The following OSGEP variants were observed in gnomAD, a reference collection of about 807,000 sequenced individuals.
OSGEP encodes the protein O-sialoglycoprotein endopeptidase.
OSGEP carries 39 observed loss-of-function variants against 44.1 expected under a neutral mutation model. The observed-to-expected ratio is 0.88, with a 90% CI of 0.69 to 1.16. The LOEUF (loss-of-function observed/expected upper bound fraction) is 1.16. Ranked by LOEUF, OSGEP falls within the 50% of genes most tolerant of loss-of-function variation. The pLI is 0.00. For missense variants in OSGEP, 403 were observed against 443.1 expected (o/e 0.91, Z 0.81); for synonymous variants, 139 against 161.9 (o/e 0.86, Z 1.07).
In OSGEP at chr14:20,446,874, G is replaced by A. The variant is rs1429076939; in HGVS notation, c.*366C>T. On this transcript the variant is annotated 3_prime_UTR_variant, in exon 11 of 11. Transcript: ENST00000206542. Reference sequence around the variant, plus strand: ...GCACAATGGCATCCTTACTCAGGAGGCTGAGGTGGTAAGACTGCTTGAGCC... The same window carrying A: ...GCACAATGGCATCCTTACTCAGGAGACTGAGGTGGTAAGACTGCTTGAGCC... The A allele has an allele frequency of 3.9e-6, 1 of 254,462 alleles. No individual in the cohort carries two copies. The highest frequency in any genetic ancestry group is 2.2e-5 in the African/African-American group (1 of 44,810). 15.8% of individuals were successfully genotyped at this position (254,462 alleles called of 1,614,324 possible).
At chr14:20,453,293 G>A (rs1179715438) in intron 1 of OSGEP, among the ~76,000 whole-genome samples, 2 of 152,098 alleles carry the variant, frequency 1.3e-5, no homozygotes, top group East Asian at 3.9e-4. Context: ...TCCTATGTAT[G>A]CAAGTGTTTG....
intron 2 of OSGEP, 85 bp downstream of exon 2, chr14:20,452,244 G>T: frequency 6.3e-7 from 1 of 1,588,810 alleles, no homozygotes; most frequent in Non-Finnish European, 8.6e-7. Flanking sequence ...GGGTAGTGAT[G>T]GTGGCAGAGG....
rs149222076 is a variant in OSGEP at position 20,452,970 on chromosome 14, A to C, written c.116-522T>G. On this transcript the variant is annotated intron_variant, in intron 1 of 10. Coordinates refer to ENST00000206542, the MANE Select transcript of OSGEP (RefSeq NM_017807.4). ...TGATCCGTCTGCCTCGGCCTCCCAA[A>C]GTGCTGGGATTACAGGCCTGAGCCA... 3.5e-3 allele frequency among the ~76,000 whole-genome samples: 529 copies of C among 152,042 alleles called. 4 individuals are homozygous for C. The highest frequency in any genetic ancestry group is 5.4e-3 in the Non-Finnish European group (364 of 67,974).
intron 3 of OSGEP, 49 bp downstream of exon 3, chr14:20,451,925 G>C: frequency 2.8e-6 from 4 of 1,448,906 alleles, no homozygotes; most frequent in Non-Finnish European, 2.8e-6. Context: ...GAAAATACTG[G>C]TTCAGTGCCT....
At chr14:20,448,901 C>T in intron 5 of OSGEP, 63 bp downstream of exon 5, 1 of 1,593,566 alleles carries the variant, frequency 6.3e-7, no homozygotes, top group Non-Finnish European at 8.6e-7. Context: ...TTAATATATA[C>T]CGTATATGGG....
chr14:20,453,584 G>A (rs1881165793), intron 1 of OSGEP, among the ~76,000 whole-genome samples: 1 of 151,766 alleles, frequency 6.6e-6, no homozygotes, highest in Non-Finnish European at 1.5e-5. Context: ...GGTCAGGCTG[G>A]TCTCGAACCC....
At position 20,446,461 on chromosome 14, in the gene OSGEP, AG is replaced by A. The variant is rs1201321119; in HGVS notation, c.*778del. 6.6e-6 allele frequency: 1 copy of A among 152,192 alleles called. No individual in the cohort carries two copies. The highest frequency in any genetic ancestry group is 1.5e-5 in the Non-Finnish European group (1 of 68,040). 9.4% of individuals were successfully genotyped at this position (152,192 alleles called of 1,614,324 possible). A position where few individuals can be genotyped will look rare whatever the true frequency, so the allele number is the denominator to read the frequency against. On this transcript the variant is annotated 3_prime_UTR_variant, in exon 11 of 11. Transcript: ENST00000206542. ...TTTGTTTGTTTGTTTTTAAGAGACA[AG>A]GTTTTGTTCTGTCACTCAGGCTGGA...
intron 6 of OSGEP, 91 bp downstream of exon 6, chr14:20,448,642 A>G: frequency 1.1e-6 from 1 of 875,974 alleles, no homozygotes. Context: ...ACATGAATAT[A>G]CTGAGCTATA....
intron 8 of OSGEP, 75 bp downstream of exon 8, chr14:20,447,829 A>AT: frequency 3.1e-6 from 4 of 1,284,642 alleles, no homozygotes; most frequent in Non-Finnish European, 4.5e-6. Flanking sequence ...CCAAACGCTT[A>AT]ATGATTTAGA....
intron 1 of OSGEP, 22 bp downstream of exon 1, chr14:20,454,547 C>T: frequency 6.5e-7 from 1 of 1,547,682 alleles, no homozygotes; most frequent in Non-Finnish European, 8.9e-7. Context: ...GCGGAAAACT[C>T]TTAAGTCCCC....
intron 10 of OSGEP, 50 bp from the exon 11 acceptor site, chr14:20,447,329 T>A (rs1321118368): frequency 3.1e-6 from 5 of 1,608,968 alleles, no homozygotes; most frequent in East Asian, 2.2e-5. Flanking sequence ...TTAACATCCT[T>A]CATTCTTCTC....
chr14:20,451,800 G>T, intron 3 of OSGEP, 174 bp downstream of exon 3: 2 of 500,126 alleles, frequency 4.0e-6, no homozygotes. Context: ...TTCTGATCAT[G>T]CTGCCAAAAT....
rs368588842 is a variant in OSGEP at position 20,448,766 on chromosome 14, G to A, written c.603C>T (p.Asp201=). 8 of 1,612,962 alleles carry A rather than the reference G, an allele frequency of 5.0e-6. No individual in the cohort carries two copies. The African/African-American group carries it at 8.0e-5, about 16-fold the overall frequency. The change falls in exon 6 of 11, where the codon GAC becomes GAT. Residue 201 remains aspartate (D), a synonymous_variant. Coordinates refer to ENST00000206542, the MANE Select transcript of OSGEP (RefSeq NM_017807.4). Reference sequence around the variant, plus strand: ...AAGACAGGATCCCTGAGAATGAGACGTCCATCCCCTTTACAGTGTATGGCA... The same window carrying A: ...AAGACAGGATCCCTGAGAATGAGACATCCATCCCCTTTACAGTGTATGGCA... ...VELPYTVKGM[D]VSFSGILSFI...
At position 20,449,004 on chromosome 14, in the gene OSGEP, C is replaced by A. The variant is rs575185404; in HGVS notation, c.517G>T (p.Asp173Tyr). ...RFARVLKISN[D>Y]PSPGYNIEQM... ...TCAATGTTGTATCCTGGACTTGGGT[C>A]GTTAGAAATCTAGCAGAAGAAAAAA... The change falls in exon 5 of 11, where the codon GAC becomes TAC. Residue 173 changes from aspartate to tyrosine, a missense_variant. Transcript: ENST00000206542. 1.2e-6 allele frequency: 2 copies of A among 1,613,752 alleles called. No individual in the cohort carries two copies. The highest frequency in any genetic ancestry group is 1.7e-6 in the Non-Finnish European group (2 of 1,179,804).
chr14:20,453,983 C>A (rs531372630), intron 1 of OSGEP, among the ~76,000 whole-genome samples: 4 of 152,168 alleles, frequency 2.6e-5, no homozygotes, highest in Admixed American at 2.6e-4. Context: ...CGTGCCACTG[C>A]ATTCCAGCCT....
At position 20,451,988 on chromosome 14, in the gene OSGEP, C is replaced by T. The variant is rs1366203584; in HGVS notation, c.397G>A (p.Gly133Arg). The change falls in exon 3 of 11, where the codon GGA becomes AGA. Residue 133 changes from glycine to arginine, a missense_variant. Transcript: ENST00000206542. ...CCTCTAAATACCTGCGTATTTCCTC[C>T]ACTCACATACAACACGGTTGGGCTG... ...ATSPTVLYVS[G>R]GNTQVIAYSE... 2 of 1,602,844 alleles carry T rather than the reference C, an allele frequency of 1.2e-6. No homozygotes were observed. The highest frequency in any genetic ancestry group is 1.7e-6 in the Non-Finnish European group (2 of 1,174,554).
intron 3 of OSGEP, 186 bp downstream of exon 3, chr14:20,451,788 T>C (rs1310763798): frequency 2.1e-6 from 1 of 475,702 alleles, no homozygotes; most frequent in Non-Finnish European, 3.7e-6. Flanking sequence ...AGCCATCTAA[T>C]GTTCTGATCA....
In OSGEP at chr14:20,448,765, C is replaced by G; in HGVS notation, c.604G>C (p.Val202Leu). Residue 202 changes from valine (V) to leucine (L), a missense_variant, in exon 6 of 11, where the codon GTC (valine) becomes CTC (leucine). Transcript: ENST00000206542. The part of the protein sequence containing the change: ...ELPYTVKGMD[V>L]SFSGILSFIE... ...AAAGACAGGATCCCTGAGAATGAGA[C>G]GTCCATCCCCTTTACAGTGTATGGC... 15 of 1,613,300 alleles carry G rather than the reference C, an allele frequency of 9.3e-6. No homozygotes were observed. Among genetic ancestry groups the G allele is most frequent in the Non-Finnish European group, 1.3e-5 (15 of 1,179,200 alleles).
chr14:20,450,768 A>G (rs910466287), intron 3 of OSGEP: 1 of 152,238 alleles, frequency 6.6e-6, no homozygotes, highest in East Asian at 1.9e-4. Flanking sequence ...TCCCAACCTT[A>G]AAAAGGTCAT....
Sources: allele counts gnomAD v4.1 joint callset (sites outside exome capture counted in the v4.1 genomes callset), GRCh38; gene constraint gnomAD v4.1.1; transcripts MANE v1.5; gene names NCBI Gene and HGNC (gene_info 2026-07-23, HGNC 2026-07-21).